The following ANAPC16 variants were observed in gnomAD, a reference collection of about 807,000 sequenced individuals.
ANAPC16 encodes the protein anaphase promoting complex subunit 16.
ANAPC16 carries 6 observed loss-of-function variants against 13.1 expected under a neutral mutation model. The ratio of observed to expected loss-of-function variants is 0.46; its 90% CI spans 0.25 to 0.90. ANAPC16 has a LOEUF of 0.90. ANAPC16 is among the 40% of genes least tolerant of loss of function. The pLI is 0.18. For missense variants in ANAPC16, 113 were observed against 131.1 expected, an observed-to-expected ratio of 0.86 and a Z score of 0.67; for synonymous variants, 55 against 51.3, an observed-to-expected ratio of 1.07 and a Z score of -0.31.
At position 72,235,650 on chromosome 10, in the gene ANAPC16, AC is replaced by A. The variant is rs1214238864; in HGVS notation, c.*2536del. On this transcript the variant is annotated 3_prime_UTR_variant, in exon 4 of 4. Coordinates refer to ENST00000299381, the MANE Select transcript of ANAPC16 (RefSeq NM_173473.4). ...ATTAAAAATACCTAGACTGCAATAAACCTTTAAATTGGATTTTCAGTGAGAA... is the reference window on the plus strand; with the variant it reads ...ATTAAAAATACCTAGACTGCAATAAACTTTAAATTGGATTTTCAGTGAGAA... 6.6e-6 allele frequency: 1 copy of A among 152,170 alleles called. No individual in the cohort carries two copies. Among genetic ancestry groups the A allele is most frequent in the African/African-American group, 2.4e-5 (1 of 41,434 alleles). The allele number at this position is 152,170 out of a possible 1,614,324, so 9.4% of individuals were successfully genotyped here.
At chr10:72,216,368 G>C (rs1245734358) in intron 1 of ANAPC16, 1 of 172,156 alleles carries the variant, frequency 5.8e-6, no homozygotes, top group Admixed American at 5.7e-5. Flanking sequence ...TAGTTTCCTG[G>C]GGACCCAGCT....
At position 72,233,112 on chromosome 10, in the gene ANAPC16, G is replaced by T. The variant is rs758581509; in HGVS notation, c.329G>T (p.Gly110Val). The T allele has an allele frequency of 1.2e-6, 2 of 1,613,692 alleles. No individual in the cohort carries two copies. The highest frequency in any genetic ancestry group is 3.3e-5 in the Admixed American group (2 of 59,994). ...EQLLGFTPSSG is the reference protein window; with the variant it reads ...EQLLGFTPSSV ...CTGCTGGGATTCACCCCCTCTTCAGGTTGATACTGCCTGGATGGTCACCTC... is the reference window on the plus strand; with the variant it reads ...CTGCTGGGATTCACCCCCTCTTCAGTTTGATACTGCCTGGATGGTCACCTC... Residue 110 changes from glycine (G) to valine (V), a missense_variant, in exon 4 of 4, where the codon GGT becomes GTT. By Grantham distance (109) the Gly-to-Val change is moderately radical (BLOSUM62 -3). Coordinates refer to ENST00000299381, the MANE Select transcript of ANAPC16 (RefSeq NM_173473.4).
At chr10:72,216,535 A>G (rs1394306035) in intron 1 of ANAPC16, among the ~76,000 whole-genome samples, 1 of 140,438 alleles carries the variant, frequency 7.1e-6, no homozygotes, top group Non-Finnish European at 1.5e-5. Context: ...GTTGTAATCC[A>G]GCTGTTTTGA....
chr10:72,217,212 C>T (rs779861530), intron 1 of ANAPC16: 7 of 372,434 alleles, frequency 1.9e-5, no homozygotes, highest in Admixed American at 3.3e-5. Flanking sequence ...CGGTGGCTCA[C>T]GTCTGTAATC....
At chr10:72,225,841 CG>C (rs1860103476) in intron 2 of ANAPC16, among the ~76,000 whole-genome samples, 1 of 149,002 alleles carries the variant, frequency 6.7e-6, no homozygotes, top group Admixed American at 6.7e-5. Context: ...GCAGAGGTTG[CG>C]GTGAGCAGAT....
intron 1 of ANAPC16, among the ~76,000 whole-genome samples, chr10:72,217,472 C>CAAAAAAAAA (rs11393524): frequency 3.5e-5 from 3 of 84,550 alleles, no homozygotes; most frequent in African/African-American, 1.0e-4. Context: ...GAATCCGTCT[C>CAAAAAAAAA]AAAAAAAAAA....
chr10:72,230,592 C>T (rs1195905907), intron 3 of ANAPC16, 152 bp downstream of exon 3: 1 of 663,744 alleles, frequency 1.5e-6, no homozygotes, highest in African/African-American at 1.8e-5. Context: ...TCATAATGTC[C>T]ACATTGAGGC....
chr10:72,228,028 TTAA>T (rs1860179924), intron 2 of ANAPC16, among the ~76,000 whole-genome samples: 3 of 127,910 alleles, frequency 2.3e-5, no homozygotes, highest in African/African-American at 1.3e-4. Flanking sequence ...GAGACTTGGT[TTAA>T]AAAAAAAAAA....
At chr10:72,226,762 CA>C (rs1358466796) in intron 2 of ANAPC16, among the ~76,000 whole-genome samples, 2 of 151,970 alleles carry the variant, frequency 1.3e-5, no homozygotes, top group Non-Finnish European at 2.9e-5. Flanking sequence ...GGGTTAAGCC[CA>C]AAATCATTTG....
intron 1 of ANAPC16, among the ~76,000 whole-genome samples, chr10:72,222,079 G>T (rs184102538): frequency 4.0e-5 from 6 of 151,210 alleles, no homozygotes; most frequent in Admixed American, 2.0e-4. Context: ...TGAGCGCAGT[G>T]AGACTTTGGG....
intron 1 of ANAPC16, among the ~76,000 whole-genome samples, chr10:72,221,811 C>G (rs1859946710): frequency 6.7e-6 from 1 of 149,446 alleles, no homozygotes; most frequent in Non-Finnish European, 1.5e-5. Flanking sequence ...CTTACTGCAA[C>G]CACTGCCTCC....
At chr10:72,216,784 T>C in intron 1 of ANAPC16, 1 of 455,982 alleles carries the variant, frequency 2.2e-6, no homozygotes, top group Non-Finnish European at 4.4e-6. Flanking sequence ...GCATCGTTAC[T>C]CTCCTGTGAG....
intron 1 of ANAPC16, among the ~76,000 whole-genome samples, chr10:72,218,499 G>A (rs1053840649): frequency 1.3e-5 from 2 of 151,874 alleles, no homozygotes; most frequent in Non-Finnish European, 2.9e-5. Flanking sequence ...AGCTAAAATT[G>A]TCTCTACACC....
At chr10:72,227,178 A>T (rs1860147801) in intron 2 of ANAPC16, among the ~76,000 whole-genome samples, 1 of 152,202 alleles carries the variant, frequency 6.6e-6, no homozygotes, top group Admixed American at 6.5e-5. Flanking sequence ...TTCTAGCTAT[A>T]AGAGGAATTT....
intron 3 of ANAPC16, among the ~76,000 whole-genome samples, chr10:72,232,706 C>T (rs556255656): frequency 1.7e-3 from 259 of 151,392 alleles, no homozygotes; most frequent in African/African-American, 6.1e-3. Flanking sequence ...AGGGTTCAAG[C>T]GATTCTCCTG....
intron 1 of ANAPC16, chr10:72,220,325 C>CAAAAAAAAAAAAAAAAAAAAA (rs75738117): frequency 4.7e-5 from 3 of 63,714 alleles, no homozygotes; most frequent in African/African-American, 1.6e-4. Flanking sequence ...AACTCCGTCT[C>CAAAAAAAAAAAAAAAAAAAAA]AAAAAAAAAA....
At position 72,219,609 on chromosome 10, in the gene ANAPC16, T is replaced by C. The variant is rs566433239; in HGVS notation, c.-28+3471T>C. Among the ~76,000 whole-genome samples, 53 of 152,224 alleles carry C rather than the reference T, an allele frequency of 3.5e-4. No individual in the cohort carries two copies. In the South Asian group the frequency reaches 0.011, roughly 32 times the overall value. On this transcript the variant is annotated intron_variant, in intron 1 of 3. Coordinates refer to ENST00000299381, the MANE Select transcript of ANAPC16 (RefSeq NM_173473.4). ...AAAATTAGTGGGGTGTTCTGGCACG[T>C]GCCTGTAGTCCCAACTACTCGGGAG... is the stretch of plus-strand genomic sequence containing the variant.
rs2133700526 is a variant in ANAPC16, at chr10:72,233,702, T to C, written c.*586T>C. The C allele has an allele frequency of 6.5e-6, 1 of 152,802 alleles. No individual in the cohort carries two copies. The highest frequency in any genetic ancestry group is 2.4e-5 in the African/African-American group (1 of 41,582). The allele number at this position is 152,802 out of a possible 1,614,324, so 9.5% of individuals were successfully genotyped here. On this transcript the variant is annotated 3_prime_UTR_variant, in exon 4 of 4. Coordinates refer to ENST00000299381, the MANE Select transcript of ANAPC16 (RefSeq NM_173473.4). ...AATGCTGGCAAAAAGAAGTGCTTTT[T>C]GGATATGGCAGCACTTGTAAAAATA...
intron 1 of ANAPC16, among the ~76,000 whole-genome samples, chr10:72,218,159 AAAAAAAAT>A (rs1564788943): frequency 2.2e-5 from 1 of 45,844 alleles, no homozygotes; most frequent in Non-Finnish European, 3.8e-5. Flanking sequence ...AAAAAAAAAA[AAAAAAAAT>A]ATATATATAT....
Sources: gnomAD v4.1 joint callset for allele counts (sites outside exome capture counted in the v4.1 genomes callset) on GRCh38, gnomAD v4.1.1 for gene constraint, MANE v1.5 for transcripts, NCBI Gene and HGNC (gene_info 2026-07-23, HGNC 2026-07-21) for gene names.